Variants in PRKG1 observed in about 807,000 individuals in gnomAD.
PRKG1 encodes cGMP-dependent protein kinase 1.
PRKG1 carries 35 observed loss-of-function variants against 88.1 expected under a neutral mutation model. The ratio of observed to expected loss-of-function variants is 0.40; its 90% confidence interval spans 0.30 to 0.53. The LOEUF (loss-of-function observed/expected upper bound fraction) is 0.53, where lower values mean the gene tolerates loss of function less well. PRKG1 is among the 20% of genes least tolerant of loss of function. The pLI is 0.59. For missense variants in PRKG1, 540 were observed against 839.8 expected (o/e 0.64, Z 4.41); for synonymous variants, 303 against 292.5 (o/e 1.04, Z -0.37).
At chr10:51,537,887 G>A (rs1842197629) in intron 3 of PRKG1, among the ~76,000 whole-genome samples, 1 of 152,106 alleles carries the variant, frequency 6.6e-6, no homozygotes, top group Non-Finnish European at 1.5e-5. Flanking sequence ...TACACTTTGA[G>A]AACTACTGAT....
chr10:52,049,122 C>G (rs913571177), intron 5 of PRKG1, among the ~76,000 whole-genome samples: 1 of 152,120 alleles, frequency 6.6e-6, no homozygotes, highest in Non-Finnish European at 1.5e-5. Context: ...CATGCAGGAG[C>G]ATTTTGGCAG....
rs558907973 is a variant in PRKG1, at chr10:52,239,832, A to T, written c.1077-11738A>T. ...CAATTATTATAATAATTTTGTATAC[A>T]TATAGAAAAGACAAGACATTGAGTT... On this transcript the variant is annotated intron_variant, in intron 9 of 17. Coordinates refer to ENST00000373980, the MANE Select transcript of PRKG1 (RefSeq NM_006258.4). 5.9e-5 allele frequency among the ~76,000 whole-genome samples: 9 copies of T among 152,294 alleles called. No homozygotes were observed. The South Asian group carries it at 1.7e-3, about 28-fold the overall frequency.
rs376863075 is a variant in PRKG1 at position 51,733,022 on chromosome 10, GGAGA to G, written c.593-71548_593-71545del. Among the ~76,000 whole-genome samples the G allele has an allele frequency of 2.1e-4, 31 of 150,524 alleles. No homozygotes were observed. In the South Asian group the frequency reaches 4.9e-3, roughly 24 times the overall value. On this transcript the variant is annotated intron_variant, in intron 3 of 17. Coordinates refer to ENST00000373980, the MANE Select transcript of PRKG1 (RefSeq NM_006258.4). Reference sequence around the variant, plus strand: ...TTTGGCTGTGTCCTCAAATGGTAGAGGAGAGAGAGAGAGAGAGACAAAAAATAAA... The same window carrying G: ...TTTGGCTGTGTCCTCAAATGGTAGAGGAGAGAGAGAGAGACAAAAAATAAA...
chr10:51,837,157 T>C (rs2132766571), intron 4 of PRKG1, among the ~76,000 whole-genome samples: 1 of 152,290 alleles, frequency 6.6e-6, no homozygotes, highest in African/African-American at 2.4e-5. Context: ...GTTAACGTGA[T>C]TGAACAGTTC....
intron 8 of PRKG1, among the ~76,000 whole-genome samples, chr10:52,156,020 C>A (rs1385264225): frequency 6.6e-6 from 1 of 151,884 alleles, no homozygotes; most frequent in Non-Finnish European, 1.5e-5. Flanking sequence ...CCTTTTAAAG[C>A]ACATAATTAT....
intron 3 of PRKG1, among the ~76,000 whole-genome samples, chr10:51,642,383 C>G (rs1296168567): frequency 2.0e-5 from 3 of 152,088 alleles, no homozygotes; most frequent in Non-Finnish European, 2.9e-5. Flanking sequence ...GAGCAAGGCT[C>G]CGTCTCAAAA....
intron 2 of PRKG1, among the ~76,000 whole-genome samples, chr10:51,367,901 T>G (rs1175395039): frequency 1.3e-5 from 2 of 151,936 alleles, no homozygotes; most frequent in Non-Finnish European, 1.5e-5. Context: ...TTTACATTGC[T>G]TATTACACCT....
intron 2 of PRKG1, among the ~76,000 whole-genome samples, chr10:51,253,524 AG>A (rs1464279366): frequency 2.0e-5 from 3 of 151,882 alleles, no homozygotes; most frequent in Non-Finnish European, 4.4e-5. Flanking sequence ...TTAAACTCTG[AG>A]TTGGATGTTA....
At chr10:51,422,004 C>T (rs1588942582) in intron 2 of PRKG1, among the ~76,000 whole-genome samples, 2 of 152,200 alleles carry the variant, frequency 1.3e-5, no homozygotes, top group South Asian at 4.1e-4. Flanking sequence ...CACCATTACT[C>T]ATTCACTTCA....
At chr10:51,638,467 T>C (rs1839713561) in intron 3 of PRKG1, among the ~76,000 whole-genome samples, 1 of 152,244 alleles carries the variant, frequency 6.6e-6, no homozygotes, top group African/African-American at 2.4e-5. Context: ...CAATATTTGA[T>C]ATGCAGTTGA....
At position 51,757,393 on chromosome 10, in the gene PRKG1, C is replaced by T. The variant is rs7919847; in HGVS notation, c.593-47192C>T. Among the ~76,000 whole-genome samples, 772 of 151,960 alleles carry T rather than the reference C, an allele frequency of 5.1e-3. 2 individuals are homozygous for T. The highest frequency in any genetic ancestry group is 0.017 in the African/African-American group (718 of 41,420). On this transcript the variant is annotated intron_variant, in intron 3 of 17. Coordinates refer to ENST00000373980, the MANE Select transcript of PRKG1 (RefSeq NM_006258.4). ...TGCTGGGGTTACAGGTGTGAGCCAC[C>T]GCTCCCAGCCCCTCAGTGGCCTACT...
intron 7 of PRKG1, among the ~76,000 whole-genome samples, chr10:52,114,956 T>G (rs1395670729): frequency 6.6e-6 from 1 of 152,072 alleles, no homozygotes; most frequent in Non-Finnish European, 1.5e-5. Context: ...GAAAGAAGTT[T>G]TCCAAATGTC....
intron 8 of PRKG1, among the ~76,000 whole-genome samples, chr10:52,156,325 T>C (rs1324888098): frequency 1.3e-5 from 2 of 152,008 alleles, no homozygotes; most frequent in Non-Finnish European, 1.5e-5. Context: ...CTGATAAGCA[T>C]TCAGCTACTC....
chr10:51,694,351 CGTTA>C (rs922961714), intron 3 of PRKG1, among the ~76,000 whole-genome samples: 1 of 152,206 alleles, frequency 6.6e-6, no homozygotes, highest in African/African-American at 2.4e-5. Flanking sequence ...GCCGTGATTA[CGTTA>C]ACGGTTTTCT....
intron 2 of PRKG1, among the ~76,000 whole-genome samples, chr10:51,284,865 C>CTTTTTTTTTTTTTTTTTTTTTTTTCTT (rs5784867): frequency 1.9e-5 from 1 of 51,698 alleles, no homozygotes; most frequent in Non-Finnish European, 3.6e-5. Context: ...GTTGTGGGTA[C>CTTTTTTTTTTTTTTTTTTTTTTTTCTT]TTTTTTTTTT....
At chr10:51,068,660 A>C (rs1843784115) in intron 1 of PRKG1, 1 of 152,018 alleles carries the variant, frequency 6.6e-6, no homozygotes, top group Non-Finnish European at 1.5e-5. Context: ...TATAAGCCCC[A>C]CAATATCAAA....
chr10:51,618,019 T>C (rs1421095115), intron 3 of PRKG1, among the ~76,000 whole-genome samples: 1 of 152,208 alleles, frequency 6.6e-6, no homozygotes, highest in Non-Finnish European at 1.5e-5. Flanking sequence ...ATCAATAGCC[T>C]TTTCATCCTC....
chr10:52,293,706 C>A, intron 17 of PRKG1, 96 bp from the exon 18 acceptor site: 1 of 922,122 alleles, frequency 1.1e-6, no homozygotes, highest in Admixed American at 1.9e-5. Flanking sequence ...ATGAAATAGT[C>A]ACTAATAGGG....
intron 2 of PRKG1, among the ~76,000 whole-genome samples, chr10:51,253,257 C>T (rs1266369641): frequency 6.6e-6 from 1 of 151,778 alleles, no homozygotes; most frequent in Admixed American, 6.6e-5. Context: ...ATCAGTCCAC[C>T]ATTTTTTGGA....
Sources: allele counts gnomAD v4.1 joint callset (sites outside exome capture counted in the v4.1 genomes callset), GRCh38; gene constraint gnomAD v4.1.1; transcripts MANE v1.5; gene names NCBI Gene and HGNC (gene_info 2026-07-23, HGNC 2026-07-21).